Variants in MAP4K5 observed in about 807,000 individuals in gnomAD.
MAP4K5 encodes mitogen-activated protein kinase kinase kinase kinase 5, also known as MAPK/ERK kinase kinase kinase 5.
MAP4K5 carries 82 observed loss-of-function variants against 135.6 expected under a neutral mutation model. The ratio of observed to expected loss-of-function variants is 0.60; its 90% CI spans 0.51 to 0.73. The LOEUF (loss-of-function observed/expected upper bound fraction) is 0.73, where lower values mean the gene tolerates loss of function less well. Ranked by LOEUF, MAP4K5 falls within the 30% of genes least tolerant of loss-of-function variation. MAP4K5 has a pLI of 0.00. For missense variants in MAP4K5, 907 were observed against 1,010.9 expected, an observed-to-expected ratio of 0.90 and a Z score of 1.39; for synonymous variants, 347 against 335.0, an observed-to-expected ratio of 1.04 and a Z score of -0.39.
chr14:50,487,858 C>T (rs2037400485), intron 3 of MAP4K5, among the ~76,000 whole-genome samples: 1 of 152,134 alleles, frequency 6.6e-6, no homozygotes, highest in South Asian at 2.1e-4. Flanking sequence ...TGAGCCTTTT[C>T]CATCATAGCA....
At chr14:50,546,947 C>A (rs565682361) in intron 1 of MAP4K5, among the ~76,000 whole-genome samples, 12 of 152,242 alleles carry the variant, frequency 7.9e-5, no homozygotes, top group African/African-American at 2.6e-4. Context: ...ATATACCCGT[C>A]ATCTACATTA....
chr14:50,489,548 C>A (rs146892327), intron 3 of MAP4K5, among the ~76,000 whole-genome samples: 1 of 152,248 alleles, frequency 6.6e-6, no homozygotes, highest in East Asian at 1.9e-4. Context: ...CTCTTAAAAA[C>A]CAATTTTTCT....
intron 2 of MAP4K5, among the ~76,000 whole-genome samples, chr14:50,528,552 T>C (rs1484279960): frequency 6.6e-6 from 1 of 151,316 alleles, no homozygotes; most frequent in East Asian, 1.9e-4. Flanking sequence ...ACCCTGTCTT[T>C]ACATTAAAAA....
intron 3 of MAP4K5, among the ~76,000 whole-genome samples, chr14:50,503,009 G>C (rs1449404277): frequency 6.6e-6 from 1 of 151,764 alleles, no homozygotes; most frequent in Non-Finnish European, 1.5e-5. Flanking sequence ...TAGGAGAAAA[G>C]GCCTAAGTAC....
At chr14:50,539,746 T>C (rs1048700627) in intron 2 of MAP4K5, among the ~76,000 whole-genome samples, 1 of 152,234 alleles carries the variant, frequency 6.6e-6, no homozygotes, top group Non-Finnish European at 1.5e-5. Flanking sequence ...AGGATCTTGC[T>C]AAATACTTAC....
intron 1 of MAP4K5, among the ~76,000 whole-genome samples, chr14:50,551,069 A>G (rs2038696547): frequency 6.6e-6 from 1 of 152,188 alleles, no homozygotes; most frequent in Admixed American, 6.5e-5. Context: ...AAAAAAATTC[A>G]AGACAGATGA....
chr14:50,454,889 A>G (rs1377233108), intron 14 of MAP4K5, among the ~76,000 whole-genome samples: 1 of 152,026 alleles, frequency 6.6e-6, no homozygotes, highest in Non-Finnish European at 1.5e-5. Context: ...GAAGTGTGAC[A>G]AGGTACATAT....
At chr14:50,520,215 T>C (rs916276812) in intron 2 of MAP4K5, among the ~76,000 whole-genome samples, 1 of 150,168 alleles carries the variant, frequency 6.7e-6, no homozygotes. Flanking sequence ...ATACAAAAAT[T>C]TGGCCGGGCG....
chr14:50,490,071 G>A (rs752265041), intron 3 of MAP4K5, among the ~76,000 whole-genome samples: 11 of 151,436 alleles, frequency 7.3e-5, no homozygotes, highest in Non-Finnish European at 1.0e-4. Flanking sequence ...AAGTATGCAT[G>A]GGTGTGTGTG....
intron 28 of MAP4K5, among the ~76,000 whole-genome samples, chr14:50,431,437 G>C (rs919563077): frequency 2.0e-5 from 3 of 151,952 alleles, no homozygotes; most frequent in Non-Finnish European, 2.9e-5. Flanking sequence ...AGAGTGTGAT[G>C]TTCCCCTTCC....
At chr14:50,535,022 A>C (rs566717541), upstream of MAP4K5, among the ~76,000 whole-genome samples, 4 of 152,380 alleles carry the variant, frequency 2.6e-5, no homozygotes, top group South Asian at 8.3e-4. Flanking sequence ...TCATATGACA[A>C]GGTATGGAAT....
At position 50,425,891 on chromosome 14, in the gene MAP4K5, A is replaced by G; in HGVS notation, c.2397+16T>C. 5 of 1,594,122 alleles carry G rather than the reference A, an allele frequency of 3.1e-6. No homozygotes were observed. The highest frequency in any genetic ancestry group is 4.3e-6 in the Non-Finnish European group (5 of 1,164,700). ...TTGTTAGTGGGAGTCAGTGGAGGTAATCTGAGAAGGCTTACCTCATCTGAC... is the reference window on the plus strand; with the variant it reads ...TTGTTAGTGGGAGTCAGTGGAGGTAGTCTGAGAAGGCTTACCTCATCTGAC... On this transcript the variant is annotated intron_variant, in intron 31 of 32. Coordinates refer to ENST00000682126, the MANE Select transcript of MAP4K5 (RefSeq NM_006575.6).
chr14:50,457,109 G>A (rs1052307692), intron 13 of MAP4K5, among the ~76,000 whole-genome samples: 2 of 152,132 alleles, frequency 1.3e-5, no homozygotes, highest in African/African-American at 4.8e-5. Context: ...AGTGTTTGTA[G>A]GCAGTGGGGG....
At chr14:50,521,725 G>A (rs1246596450) in intron 2 of MAP4K5, among the ~76,000 whole-genome samples, 1 of 152,072 alleles carries the variant, frequency 6.6e-6, no homozygotes, top group African/African-American at 2.4e-5. Context: ...ACTATCAGCT[G>A]GGCTTCCCAC....
intron 10 of MAP4K5, among the ~76,000 whole-genome samples, chr14:50,467,775 G>A (rs1019645935): frequency 2.0e-5 from 3 of 152,036 alleles, no homozygotes; most frequent in Non-Finnish European, 2.9e-5. Flanking sequence ...CTAGCTAAAA[G>A]TAGGTATCTT....
chr14:50,472,650 A>G (rs2036992695), intron 9 of MAP4K5: 1 of 152,210 alleles, frequency 6.6e-6, no homozygotes, highest in Non-Finnish European at 1.5e-5. Context: ...TCATTTCTGA[A>G]AATCCCTGTA....
At chr14:50,471,010 TC>T (rs1353574898) in intron 9 of MAP4K5, among the ~76,000 whole-genome samples, 4 of 152,198 alleles carry the variant, frequency 2.6e-5, no homozygotes, top group African/African-American at 9.6e-5. Context: ...TTTCTTTTTT[TC>T]CTTCAACTTT....
chr14:50,507,920 G>A (rs1457924091), intron 2 of MAP4K5, among the ~76,000 whole-genome samples: 12 of 152,180 alleles, frequency 7.9e-5, no homozygotes, highest in African/African-American at 2.4e-4. Flanking sequence ...TTTCTGTCTC[G>A]TTGATCTGTC....
intron 11 of MAP4K5, among the ~76,000 whole-genome samples, chr14:50,464,667 C>T (rs1355286230): frequency 6.6e-6 from 1 of 152,158 alleles, no homozygotes; most frequent in Non-Finnish European, 1.5e-5. Context: ...TTAAAGGTAT[C>T]ACATTTTGAT....
Sources: allele counts gnomAD v4.1 joint callset (sites outside exome capture counted in the v4.1 genomes callset), GRCh38; gene constraint gnomAD v4.1.1; transcripts MANE v1.5; gene names NCBI Gene and HGNC (gene_info 2026-07-23, HGNC 2026-07-21).